Variants in NELL1 observed in about 807,000 individuals in gnomAD.
NELL1 encodes protein kinase C-binding protein NELL1.
NELL1 carries 76 observed loss-of-function variants against 107.4 expected under a neutral mutation model. The ratio of observed to expected loss-of-function variants is 0.71; its 90% CI spans 0.59 to 0.86. The LOEUF is 0.86. Among genes scored for constraint, NELL1 ranks in the 40% least tolerant of loss-of-function variants. The pLI is 0.00. For synonymous variants in NELL1, 353 were observed against 341.2 expected, an observed-to-expected ratio of 1.03 and a Z score of -0.38; for missense variants, 1,024 against 1,005.5, an observed-to-expected ratio of 1.02 and a Z score of -0.25.
At chr11:21,309,203 T>C (rs1317507382) in intron 14 of NELL1, among the ~76,000 whole-genome samples, 1 of 147,796 alleles carries the variant, frequency 6.8e-6, no homozygotes, top group Non-Finnish European at 1.5e-5. Flanking sequence ...GCTGGTTTTA[T>C]TACTCTATGT....
chr11:21,302,076 T>C (rs1470522475), intron 14 of NELL1, among the ~76,000 whole-genome samples: 1 of 152,078 alleles, frequency 6.6e-6, no homozygotes, highest in Non-Finnish European at 1.5e-5. Context: ...TTTAGTTATC[T>C]ACTGCTACAT....
At chr11:20,857,812 A>G (rs1848911043) in intron 4 of NELL1, among the ~76,000 whole-genome samples, 1 of 152,198 alleles carries the variant, frequency 6.6e-6, no homozygotes, top group African/African-American at 2.4e-5. Context: ...AGGGGTGTCC[A>G]TTTAAACGTG....
intron 13 of NELL1, among the ~76,000 whole-genome samples, chr11:21,151,989 T>C (rs1856128412): frequency 6.6e-6 from 1 of 152,240 alleles, no homozygotes; most frequent in Non-Finnish European, 1.5e-5. Context: ...ACTGTAACAC[T>C]GGCTGACAAT....
At chr11:20,993,295 A>C (rs974153491) in intron 12 of NELL1, among the ~76,000 whole-genome samples, 1 of 152,162 alleles carries the variant, frequency 6.6e-6, no homozygotes, top group Non-Finnish European at 1.5e-5. Flanking sequence ...CATTCACCAC[A>C]ATGGGTTCCT....
At chr11:21,412,214 T>C (rs1332561113) in intron 15 of NELL1, among the ~76,000 whole-genome samples, 2 of 152,252 alleles carry the variant, frequency 1.3e-5, no homozygotes, top group Admixed American at 6.5e-5. Context: ...ATTATAGTTA[T>C]AAAAAATTCT....
chr11:21,547,349 T>G (rs988790851), intron 16 of NELL1, among the ~76,000 whole-genome samples: 1 of 151,852 alleles, frequency 6.6e-6, no homozygotes. Context: ...AGATTTCCAG[T>G]GTAGATGAAG....
chr11:21,540,443 C>A (rs1216894600), intron 16 of NELL1, among the ~76,000 whole-genome samples: 84 of 152,018 alleles, frequency 5.5e-4, no homozygotes, highest in Admixed American at 5.5e-3. Context: ...GAAATATTTA[C>A]CTTTCGGTGC....
chr11:21,155,325 A>G (rs1169355301), intron 13 of NELL1, among the ~76,000 whole-genome samples: 1 of 152,082 alleles, frequency 6.6e-6, no homozygotes, highest in Non-Finnish European at 1.5e-5. Context: ...GGGTAAATGG[A>G]TGTGTCTGAA....
chr11:21,171,636 T>C (rs1343555472), intron 13 of NELL1, among the ~76,000 whole-genome samples: 1 of 151,860 alleles, frequency 6.6e-6, no homozygotes, highest in Non-Finnish European at 1.5e-5. Flanking sequence ...CACTGAAGCT[T>C]GGGCTCCTTT....
At chr11:21,226,346 G>A (rs1160541454) in intron 13 of NELL1, among the ~76,000 whole-genome samples, 2 of 152,166 alleles carry the variant, frequency 1.3e-5, no homozygotes, top group Non-Finnish European at 2.9e-5. Flanking sequence ...ACATTTCATG[G>A]TTTAGTTTCA....
intron 3 of NELL1, among the ~76,000 whole-genome samples, chr11:20,794,887 G>C (rs1014599788): frequency 6.6e-6 from 1 of 152,296 alleles, no homozygotes; most frequent in South Asian, 2.1e-4. Flanking sequence ...AGCACAATGA[G>C]GGAACAGCAT....
intron 16 of NELL1, 115 bp downstream of exon 16, chr11:21,534,629 G>A (rs1035895099): frequency 1.8e-6 from 2 of 1,126,276 alleles, no homozygotes; most frequent in Non-Finnish European, 2.6e-6. Flanking sequence ...TTGGTTAAAT[G>A]CATCAGTTTT....
chr11:21,311,635 A>G (rs1849752199), intron 14 of NELL1, among the ~76,000 whole-genome samples: 1 of 152,128 alleles, frequency 6.6e-6, no homozygotes, highest in South Asian at 2.1e-4. Flanking sequence ...AGCATGTTGA[A>G]CCTATCCTTC....
intron 15 of NELL1, among the ~76,000 whole-genome samples, chr11:21,500,534 T>C (rs1855110904): frequency 6.6e-6 from 1 of 152,114 alleles, no homozygotes; most frequent in Non-Finnish European, 1.5e-5. Context: ...ACAATATTTA[T>C]AATCAGTTTG....
chr11:21,270,792 A>C (rs1848723273), intron 14 of NELL1, among the ~76,000 whole-genome samples: 1 of 152,156 alleles, frequency 6.6e-6, no homozygotes, highest in Non-Finnish European at 1.5e-5. Flanking sequence ...AGCAGACCTT[A>C]GCACATTTAA....
intron 5 of NELL1, among the ~76,000 whole-genome samples, chr11:20,910,469 C>G (rs556432400): frequency 3.3e-5 from 5 of 152,192 alleles, no homozygotes; most frequent in Non-Finnish European, 7.3e-5. Context: ...TGAAACATCT[C>G]CATTTCCGGC....
At chr11:20,756,187 C>G (rs926120792) in intron 2 of NELL1, among the ~76,000 whole-genome samples, 1 of 151,526 alleles carries the variant, frequency 6.6e-6, no homozygotes, top group African/African-American at 2.4e-5. Flanking sequence ...GCCAGACCTG[C>G]ATTGTTTAAT....
intron 14 of NELL1, among the ~76,000 whole-genome samples, chr11:21,336,130 G>A (rs761227772): frequency 2.4e-4 from 36 of 151,494 alleles, no homozygotes; most frequent in Non-Finnish European, 3.5e-4. Context: ...TGTTTTTTTC[G>A]TAAACTTTCT....
intron 10 of NELL1, among the ~76,000 whole-genome samples, chr11:20,944,030 C>T (rs1850912752): frequency 6.6e-6 from 1 of 152,102 alleles, no homozygotes; most frequent in Non-Finnish European, 1.5e-5. Context: ...TCTTATTTCT[C>T]CCAGGCAGCT....
Sources: gnomAD v4.1 joint callset for allele counts (sites outside exome capture counted in the v4.1 genomes callset) on GRCh38, gnomAD v4.1.1 for gene constraint, MANE v1.5 for transcripts, NCBI Gene and HGNC (gene_info 2026-07-23, HGNC 2026-07-21) for gene names.